The following HMGCS2 variants were observed in gnomAD, a reference collection of about 807,000 sequenced individuals.
The protein encoded by HMGCS2 is 3-hydroxy-3-methylglutaryl-CoA synthase 2.
A neutral mutation model predicts 57.4 loss-of-function variants in HMGCS2; 50 were observed. That is an observed-to-expected ratio of 0.87 (90% CI 0.69 to 1.10). The LOEUF (loss-of-function observed/expected upper bound fraction) is 1.10, where lower values mean the gene tolerates loss of function less well. HMGCS2 is among the 50% of genes least tolerant of loss of function. HMGCS2 has a pLI of 0.00. For missense variants in HMGCS2, 627 were observed against 636.5 expected, an observed-to-expected ratio of 0.99 and a Z score of 0.16; for synonymous variants, 254 against 245.1, an observed-to-expected ratio of 1.04 and a Z score of -0.34.
chr1:119,760,819 A>G (rs587776300), intron 2 of HMGCS2, among the ~76,000 whole-genome samples: 2 of 152,260 alleles, frequency 1.3e-5, no homozygotes, highest in East Asian at 3.9e-4. Flanking sequence ...CCACATTTCT[A>G]TATAATTTAA....
chr1:119,764,213 A>G lies in HMGCS2; in HGVS notation c.518T>C (p.Leu173Pro), dbSNP rs1653132655. The G allele has an allele frequency of 6.2e-7, 1 of 1,613,876 alleles. No individual in the cohort carries two copies. Among genetic ancestry groups the G allele is most frequent in the Non-Finnish European group, 8.5e-7 (1 of 1,180,036 alleles). ...TNACYGGTASLFNAANWMESS... is the reference protein window; with the variant it reads ...TNACYGGTASPFNAANWMESS... ...CTCCATCCAGTTGGCAGCATTGAAG[A>G]GGGAGGCAGTACCACCGTAGCAGGC... Residue 173 changes from leucine (L) to proline (P), a missense_variant, in exon 2 of 10, where the codon CTC (leucine) becomes CCC (proline). By Grantham distance (98) the Leu-to-Pro change is moderately conservative. Transcript: ENST00000369406.
intron 9 of HMGCS2, 81 bp downstream of exon 9, chr1:119,750,715 GT>G (rs1231527970): frequency 1.3e-5 from 11 of 861,716 alleles, no homozygotes; most frequent in Non-Finnish European, 2.0e-5. Context: ...CCCTGCACCT[GT>G]CCCCACCTTC....
chr1:119,751,835 T>C (rs1652670749), intron 8 of HMGCS2, among the ~76,000 whole-genome samples: 1 of 152,232 alleles, frequency 6.6e-6, no homozygotes, highest in African/African-American at 2.4e-5. Context: ...TTTGAGACCA[T>C]GCTGCAAAAC....
intron 7 of HMGCS2, 33 bp from the exon 8 acceptor site, chr1:119,752,707 T>C (rs1319764278): frequency 6.2e-7 from 1 of 1,613,068 alleles, no homozygotes; most frequent in Non-Finnish European, 8.5e-7. Flanking sequence ...TTACACCTTT[T>C]TCATTGTCAT....
intron 2 of HMGCS2, among the ~76,000 whole-genome samples, chr1:119,761,128 G>A (rs996803074): frequency 1.2e-4 from 17 of 147,698 alleles, no homozygotes; most frequent in Admixed American, 6.1e-4. Flanking sequence ...ATATATAAAT[G>A]TAAGTATATA....
chr1:119,755,450 C>A lies in HMGCS2; in HGVS notation c.1164G>T (p.Gly388=). ...NGNMYTSSLY[G]CLASLLSHHS... ...ACTGGGACAGAAGCGAGGCCAGGCACCCGTACAGGGATGAGGTGTACATGT... is the reference window on the plus strand; with the variant it reads ...ACTGGGACAGAAGCGAGGCCAGGCAACCGTACAGGGATGAGGTGTACATGT... Residue 388 remains glycine (G), a synonymous_variant, in exon 6 of 10, where the codon GGG becomes GGT. Coordinates refer to ENST00000369406, the MANE Select transcript of HMGCS2 (RefSeq NM_005518.4). The A allele has an allele frequency of 6.2e-7, 1 of 1,614,144 alleles. No homozygotes were observed. Among genetic ancestry groups the A allele is most frequent in the Non-Finnish European group, 8.5e-7 (1 of 1,180,038 alleles).
intron 2 of HMGCS2, among the ~76,000 whole-genome samples, chr1:119,763,774 C>T (rs949617573): frequency 2.6e-5 from 4 of 152,172 alleles, no homozygotes; most frequent in African/African-American, 9.7e-5. Context: ...AACTTGCATA[C>T]ATCTTTCAAC....
At position 119,768,822 on chromosome 1, in the gene HMGCS2, A is replaced by G. The variant is rs1452551580; in HGVS notation, c.23T>C (p.Val8Ala). The change falls in exon 1 of 10, where the codon GTG becomes GCG. Residue 8 changes from valine to alanine, a missense_variant. By Grantham distance (64) the Val-to-Ala change is moderately conservative. Transcript: ENST00000369406. Reference protein sequence around the residue: MQRLLTPVKRILQLTRAV... With the variant: MQRLLTPAKRILQLTRAV... ...TCTTGTCAGTTGCAGAATGCGCTTC[A>G]CTGGAGTCAACAGACGCTGCATCTC... 2 of 1,613,866 alleles carry G rather than the reference A, an allele frequency of 1.2e-6. No homozygotes were observed. The highest frequency in any genetic ancestry group is 1.7e-6 in the Non-Finnish European group (2 of 1,179,802).
intron 5 of HMGCS2, among the ~76,000 whole-genome samples, chr1:119,756,740 G>A (rs1209235368): frequency 6.6e-6 from 1 of 152,188 alleles, no homozygotes; most frequent in Non-Finnish European, 1.5e-5. Flanking sequence ...AAAAGCAAAA[G>A]CAGGACATGA....
chr1:119,750,687 T>C, intron 9 of HMGCS2, 110 bp downstream of exon 9: 1 of 731,814 alleles, frequency 1.4e-6, no homozygotes, highest in Non-Finnish European at 2.5e-6. Context: ...CCAATCCTCT[T>C]CCATTAAACT....
Position 119,759,933 on chromosome 1 carries a change from G to T in HMGCS2, c.616C>A (p.Arg206Ser), listed in dbSNP as rs748337518. Residue 206 changes from arginine (R) to serine (S), a missense_variant, in exon 3 of 10, where the codon CGT becomes AGT. Coordinates refer to ENST00000369406, the MANE Select transcript of HMGCS2 (RefSeq NM_005518.4). ...DIAVYPSGNA[R>S]PTGGAGAVAM... ...ACAGCTCCGGCCCCACCTGTGGGAC[G>T]AGCATTACCACTGGGATAGACGGCA... The T allele has an allele frequency of 1.9e-6, 3 of 1,613,874 alleles. No individual in the cohort carries two copies. The highest frequency in any genetic ancestry group is 1.7e-6 in the Non-Finnish European group (2 of 1,179,878).
At chr1:119,762,905 C>T (rs1467365371) in intron 2 of HMGCS2, among the ~76,000 whole-genome samples, 4 of 152,114 alleles carry the variant, frequency 2.6e-5, no homozygotes, top group African/African-American at 9.7e-5. Flanking sequence ...CAAGAATAGG[C>T]TCTTTGATTT....
At chr1:119,750,675 C>A in intron 9 of HMGCS2, 122 bp downstream of exon 9, 3 of 716,102 alleles carry the variant, frequency 4.2e-6, no homozygotes, top group Admixed American at 4.0e-5. Context: ...TCTCCTGTCA[C>A]CCCAATCCTC....
At chr1:119,761,519 G>A (rs995292461) in intron 2 of HMGCS2, among the ~76,000 whole-genome samples, 5 of 151,994 alleles carry the variant, frequency 3.3e-5, no homozygotes, top group South Asian at 4.1e-4. Context: ...TAATCCCAGC[G>A]ATTGGGGAGG....
intron 5 of HMGCS2, among the ~76,000 whole-genome samples, chr1:119,756,521 C>CAGGGG (rs1557990541): frequency 6.6e-6 from 1 of 152,016 alleles, no homozygotes; most frequent in Non-Finnish European, 1.5e-5. Context: ...CACTTGGTAG[C>CAGGGG]CTATTCTACT....
At chr1:119,752,293 G>T (rs1038644628) in intron 8 of HMGCS2, among the ~76,000 whole-genome samples, 13 of 152,100 alleles carry the variant, frequency 8.5e-5, no homozygotes, top group African/African-American at 3.1e-4. Flanking sequence ...GCTTCCATGG[G>T]ACTACACATT....
chr1:119,749,568 G>A (rs1324553855), intron 9 of HMGCS2, among the ~76,000 whole-genome samples: 1 of 152,044 alleles, frequency 6.6e-6, no homozygotes, highest in African/African-American at 2.4e-5. Flanking sequence ...CCTCTCAAAG[G>A]CATCCTGCGG....
Position 119,753,303 on chromosome 1 carries a change from C to A in HMGCS2, c.1271G>T (p.Arg424Leu), listed in dbSNP as rs748252959. 1 of 1,612,826 alleles carries A rather than the reference C, an allele frequency of 6.2e-7. No homozygotes were observed. Among genetic ancestry groups the A allele is most frequent in the Non-Finnish European group, 8.5e-7 (1 of 1,179,192 alleles). ...ACCTGGAGCAGCATCCTGGGATACT[C>A]GAAATGAAAAGAAACTTGCTGCTAA... ...SGLAASFFSFRVSQDAAPGSP... is the reference protein window; with the variant it reads ...SGLAASFFSFLVSQDAAPGSP... The change falls in exon 7 of 10, where the codon CGA (arginine) becomes CTA (leucine). Residue 424 changes from arginine (R) to leucine (L), a missense_variant. Physicochemically the swap from Arg to Leu is moderately radical, Grantham distance 102 (BLOSUM62 -2). Coordinates refer to ENST00000369406, the MANE Select transcript of HMGCS2 (RefSeq NM_005518.4).
chr1:119,753,028 A>G (rs981655858), intron 7 of HMGCS2, among the ~76,000 whole-genome samples: 3 of 152,218 alleles, frequency 2.0e-5, no homozygotes, highest in Admixed American at 6.5e-5. Flanking sequence ...AGTTACTGGA[A>G]CAATCTAAGT....
Sources: gnomAD v4.1 joint callset for allele counts (sites outside exome capture counted in the v4.1 genomes callset) on GRCh38, gnomAD v4.1.1 for gene constraint, MANE v1.5 for transcripts, NCBI Gene and HGNC (gene_info 2026-07-23, HGNC 2026-07-21) for gene names.